Variants in NFASC observed in about 807,000 individuals in gnomAD.
NFASC encodes neurofascin homolog.
NFASC carries 43 observed loss-of-function variants against 147.5 expected under a neutral mutation model. The ratio of observed to expected loss-of-function variants is 0.29; its 90% CI spans 0.23 to 0.38. NFASC has a LOEUF of 0.38. NFASC is among the 10% of genes least tolerant of loss of function. The pLI, the probability that NFASC is intolerant of heterozygous loss-of-function variation, is 1.00. For synonymous variants in NFASC, 622 were observed against 665.5 expected, an observed-to-expected ratio of 0.93 and a Z score of 1.01; for missense variants, 1,320 against 1,689.0, an observed-to-expected ratio of 0.78 and a Z score of 3.83.
intron 2 of NFASC, among the ~76,000 whole-genome samples, chr1:204,941,980 T>G (rs1443393885): frequency 6.6e-6 from 1 of 152,176 alleles, no homozygotes; most frequent in African/African-American, 2.4e-5. Context: ...AATGGCTTCT[T>G]ATTTCATCCA....
chr1:204,870,799 C>A, intron 1 of NFASC: 1 of 1,175,222 alleles, frequency 8.5e-7, no homozygotes, highest in South Asian at 1.6e-5. Context: ...CTGTTTATGC[C>A]ACGGAGGGCT....
chr1:204,968,093 C>T lies in NFASC; in HGVS notation c.707-156C>T. 1 of 614,248 alleles carries T rather than the reference C, an allele frequency of 1.6e-6. No individual in the cohort carries two copies. The highest frequency in any genetic ancestry group is 3.0e-6 in the Non-Finnish European group (1 of 338,640). The allele number at this position is 614,248 out of a possible 1,614,324, so 38.0% of individuals were successfully genotyped here. A position where few individuals can be genotyped will look rare whatever the true frequency, so the allele number is the denominator to read the frequency against. ...CTGAGGAGCCCTGGGCTTCCTAACA[C>T]ACCTCACTTAATGATGCCCAAGTCC... On this transcript the variant is annotated intron_variant, in intron 8 of 29. Coordinates refer to ENST00000339876, the MANE Select transcript of NFASC (RefSeq NM_001005388.3). The surrounding 1 kb of genome is among the most constrained non-coding windows in gnomAD (Gnocchi z 5.4).
chr1:204,897,217 G>C (rs928749049), intron 1 of NFASC, among the ~76,000 whole-genome samples: 4 of 152,190 alleles, frequency 2.6e-5, no homozygotes, highest in Non-Finnish European at 4.4e-5. Flanking sequence ...TTCTGAGGAA[G>C]TGACTTTTAA....
intron 24 of NFASC, among the ~76,000 whole-genome samples, chr1:204,996,723 G>A (rs1259202684): frequency 1.3e-5 from 2 of 152,148 alleles, no homozygotes; most frequent in Non-Finnish European, 2.9e-5. Flanking sequence ...CTAGGCCTCT[G>A]CTGGACAGGG....
intron 1 of NFASC, among the ~76,000 whole-genome samples, chr1:204,918,796 G>T (rs955776733): frequency 6.6e-6 from 1 of 151,960 alleles, no homozygotes; most frequent in African/African-American, 2.4e-5. Context: ...ATGTTGGTCA[G>T]GCTGGTCTCG....
At chr1:204,903,529 A>G (rs573831902) in intron 1 of NFASC, among the ~76,000 whole-genome samples, 212 of 152,282 alleles carry the variant, frequency 1.4e-3, no homozygotes, top group African/African-American at 4.8e-3. Context: ...CCTCCTGTCC[A>G]TCGGCTTGTG....
intron 1 of NFASC, among the ~76,000 whole-genome samples, chr1:204,831,794 C>T (rs78905070): frequency 0.036 from 5,439 of 152,166 alleles, 271 homozygotes; most frequent in East Asian, 0.2. Flanking sequence ...TTAAGCCCTA[C>T]GGTGTGCTGC....
At chr1:204,857,057 G>A (rs189652553) in intron 1 of NFASC, among the ~76,000 whole-genome samples, 1 of 152,348 alleles carries the variant, frequency 6.6e-6, no homozygotes, top group African/African-American at 2.4e-5. Context: ...GAATGGAATT[G>A]CAGGGTCATG....
intron 1 of NFASC, among the ~76,000 whole-genome samples, chr1:204,916,450 C>G (rs1421344350): frequency 6.6e-6 from 1 of 152,218 alleles, no homozygotes; most frequent in East Asian, 1.9e-4. Flanking sequence ...AATCACAGCC[C>G]TCATTTGATC....
intron 1 of NFASC, among the ~76,000 whole-genome samples, chr1:204,893,516 A>T (rs7550921): frequency 2.0e-5 from 3 of 152,112 alleles, no homozygotes; most frequent in Non-Finnish European, 4.4e-5. Flanking sequence ...CAGAATACCA[A>T]GAAGTGATCT....
intron 28 of NFASC, among the ~76,000 whole-genome samples, chr1:205,011,849 T>C (rs1185492130): frequency 6.6e-6 from 1 of 151,670 alleles, no homozygotes; most frequent in East Asian, 1.9e-4. Context: ...GGAGGCTGAA[T>C]GGGTGGATCA....
chr1:204,976,204 C>T (rs915719726), intron 15 of NFASC, among the ~76,000 whole-genome samples: 1 of 147,736 alleles, frequency 6.8e-6, no homozygotes, highest in Admixed American at 6.7e-5. Flanking sequence ...CTGTGGCCTC[C>T]CCTCTCTATA....
chr1:204,991,451 T>C (rs894789206), intron 24 of NFASC, 145 bp downstream of exon 24: 3 of 859,918 alleles, frequency 3.5e-6, no homozygotes, highest in African/African-American at 3.3e-5. Context: ...AGCCAGACTG[T>C]CAAGAGGGAT....
At chr1:204,896,872 C>A (rs1374928907) in intron 1 of NFASC, among the ~76,000 whole-genome samples, 2 of 152,172 alleles carry the variant, frequency 1.3e-5, no homozygotes, top group Non-Finnish European at 2.9e-5. Context: ...TTCTTGAATG[C>A]TTTTCATCTA....
intron 21 of NFASC, among the ~76,000 whole-genome samples, chr1:204,985,665 G>A (rs920017855): frequency 2.0e-5 from 3 of 152,182 alleles, no homozygotes; most frequent in Non-Finnish European, 2.9e-5. Flanking sequence ...CCCCAAAGAC[G>A]TGGCATGGAT....
At chr1:204,883,148 G>T (rs1224106700) in intron 1 of NFASC, among the ~76,000 whole-genome samples, 1 of 152,136 alleles carries the variant, frequency 6.6e-6, no homozygotes, top group Non-Finnish European at 1.5e-5. Context: ...GGATAGAATG[G>T]CACTGGATGA....
chr1:204,979,017 G>A lies in NFASC; in HGVS notation c.1926G>A (p.Arg642=), dbSNP rs1305173360. The A allele has an allele frequency of 1.3e-6, 2 of 1,565,204 alleles. No individual in the cohort carries two copies. Among genetic ancestry groups the A allele is most frequent in the South Asian group, 1.2e-5 (1 of 84,896 alleles). The change falls in exon 18 of 30, where the codon AGG becomes AGA. Residue 642 remains arginine (R), a synonymous_variant. Coordinates refer to ENST00000339876, the MANE Select transcript of NFASC (RefSeq NM_001005388.3). This position sits in a 1 kb window ranked among gnomAD's most constrained non-coding sequence, Gnocchi z 6.0. The part of the protein sequence containing the change: ...RDLELTDLAE[R]SVRLTWIPGD... ...TGGAGCTGACCGACCTGGCCGAGAG[G>A]AGCGTGCGGCTGACCTGGATCCCCG...
chr1:204,956,856 C>T (rs1175007117), intron 7 of NFASC, among the ~76,000 whole-genome samples: 1 of 151,934 alleles, frequency 6.6e-6, no homozygotes, highest in Non-Finnish European at 1.5e-5. Flanking sequence ...TTCTAACTAA[C>T]CTAACAGCCT....
At position 204,896,998 on chromosome 1, in the gene NFASC, C is replaced by T. The variant is rs535689106; in HGVS notation, c.-199-23634C>T. ...GGCCTTTCCATTCTCAAAGGTGCTC[C>T]TTCTAGCAGCATCAGACTACCTGGA... On this transcript the variant is annotated intron_variant, in intron 1 of 29. Coordinates refer to ENST00000339876, the MANE Select transcript of NFASC (RefSeq NM_001005388.3). Among the ~76,000 whole-genome samples the T allele has an allele frequency of 1.2e-4, 19 of 152,266 alleles. No homozygotes were observed. In the South Asian group the frequency reaches 2.7e-3, roughly 22 times the overall value.
Sources: allele counts gnomAD v4.1 joint callset (sites outside exome capture counted in the v4.1 genomes callset), GRCh38; gene constraint gnomAD v4.1.1; non-coding constraint Gnocchi (gnomAD v3.1); transcripts MANE v1.5; gene names NCBI Gene and HGNC (gene_info 2026-07-23, HGNC 2026-07-21).